L3MBTL4: variants seen among roughly 807,000 people sequenced by gnomAD.
L3MBTL4 encodes lethal(3)malignant brain tumor-like protein 4.
Under a neutral mutation model 84.5 loss-of-function variants are expected in L3MBTL4, and 70 were observed. The ratio of observed to expected loss-of-function variants is 0.83; its 90% confidence interval spans 0.68 to 1.01. L3MBTL4 has a LOEUF of 1.01. Ranked by LOEUF, L3MBTL4 falls within the 50% of genes least tolerant of loss-of-function variation. The pLI, the probability that L3MBTL4 is intolerant of heterozygous loss-of-function variation, is 0.00. For synonymous variants in L3MBTL4, 274 were observed against 259.8 expected, an observed-to-expected ratio of 1.05 and a Z score of -0.52; for missense variants, 715 against 754.8, an observed-to-expected ratio of 0.95 and a Z score of 0.62.
At chr18:5,969,018 C>A (rs551185518) in intron 17 of L3MBTL4, among the ~76,000 whole-genome samples, 1 of 152,228 alleles carries the variant, frequency 6.6e-6, no homozygotes, top group African/African-American at 2.4e-5. Flanking sequence ...CCAGAGCACA[C>A]GTGCCTAGGA....
intron 1 of L3MBTL4, among the ~76,000 whole-genome samples, chr18:6,389,688 C>T (rs776879288): frequency 3.9e-5 from 6 of 152,028 alleles, no homozygotes; most frequent in Non-Finnish European, 7.4e-5. Flanking sequence ...AAAGCAATAG[C>T]AGTTAAAAAA....
intron 4 of L3MBTL4, among the ~76,000 whole-genome samples, chr18:6,299,307 C>T (rs1262904494): frequency 2.6e-5 from 4 of 152,170 alleles, no homozygotes; most frequent in African/African-American, 4.8e-5. Flanking sequence ...ACCATTAATA[C>T]TTTAATTATT....
At chr18:5,977,436 C>T (rs1481206708) in intron 16 of L3MBTL4, among the ~76,000 whole-genome samples, 1 of 152,238 alleles carries the variant, frequency 6.6e-6, no homozygotes, top group Non-Finnish European at 1.5e-5. Flanking sequence ...GTCCTCTGCG[C>T]TTCTCCCACC....
chr18:6,179,529 T>C (rs191283979), intron 12 of L3MBTL4, among the ~76,000 whole-genome samples: 17 of 152,328 alleles, frequency 1.1e-4, no homozygotes, highest in Admixed American at 9.8e-4. Context: ...AGGCAAGACA[T>C]CTGCCCTGCT....
chr18:6,396,629 T>G (rs1449986968), intron 1 of L3MBTL4: 1 of 152,236 alleles, frequency 6.6e-6, no homozygotes, highest in East Asian at 1.9e-4. Flanking sequence ...GCATTGTTCT[T>G]CCTAAGAAAA....
intron 16 of L3MBTL4, among the ~76,000 whole-genome samples, chr18:6,076,460 A>C (rs1388870534): frequency 6.6e-6 from 1 of 152,216 alleles, no homozygotes; most frequent in East Asian, 1.9e-4. Flanking sequence ...GATAGGGGTC[A>C]GAAGCTTGAG....
At chr18:6,052,361 A>G (rs2056871080) in intron 16 of L3MBTL4, among the ~76,000 whole-genome samples, 1 of 152,260 alleles carries the variant, frequency 6.6e-6, no homozygotes. Flanking sequence ...CTGAATCACA[A>G]AGCAATACAA....
chr18:6,199,810 A>G (rs955246463), intron 12 of L3MBTL4, among the ~76,000 whole-genome samples: 5 of 152,234 alleles, frequency 3.3e-5, no homozygotes, highest in Non-Finnish European at 5.9e-5. Context: ...ACAAAGAAGT[A>G]ATGTTGTAGC....
In L3MBTL4 at chr18:6,337,275, C is replaced by G. The variant is rs1458667403; in HGVS notation, c.-90-25219G>C. Among the ~76,000 whole-genome samples the G allele has an allele frequency of 3.3e-5, 5 of 152,100 alleles. No homozygotes were observed. In the East Asian group the frequency reaches 9.6e-4, roughly 29 times the overall value. On this transcript the variant is annotated intron_variant, in intron 1 of 18. Coordinates refer to ENST00000317931, the MANE Select transcript of L3MBTL4 (RefSeq NM_001330559.2). ...ACTGAGAAAAACACCAAACAATAGA[C>G]TCTCACCAACATTCCTAGAACGGAA...
intron 16 of L3MBTL4, among the ~76,000 whole-genome samples, chr18:6,057,856 C>G (rs1308264132): frequency 1.3e-5 from 2 of 152,194 alleles, no homozygotes; most frequent in Non-Finnish European, 2.9e-5. Context: ...CAACCAAATA[C>G]TTAACATATA....
intron 1 of L3MBTL4, among the ~76,000 whole-genome samples, chr18:6,389,747 A>G (rs2054969830): frequency 6.6e-6 from 1 of 152,178 alleles, no homozygotes; most frequent in Admixed American, 6.5e-5. Flanking sequence ...CCAACAGGAA[A>G]CTATCACCCT....
intron 14 of L3MBTL4, among the ~76,000 whole-genome samples, chr18:6,128,542 T>G (rs1394765166): frequency 1.3e-5 from 2 of 151,984 alleles, no homozygotes; most frequent in African/African-American, 4.8e-5. Flanking sequence ...TGGATTTAAA[T>G]TTGAACGAAA....
rs924327906 is a variant in L3MBTL4 at position 5,997,268 on chromosome 18, A to G, written c.1445-27706T>C. ...TAAAGCTGGGAACACTCAAGCTGTG[A>G]ACTATGTCAGGCAAACTCGCCTCCC... On this transcript the variant is annotated intron_variant, in intron 16 of 18. Coordinates refer to ENST00000317931, the MANE Select transcript of L3MBTL4 (RefSeq NM_001330559.2). Among the ~76,000 whole-genome samples, 3 of 150,560 alleles carry G rather than the reference A, an allele frequency of 2.0e-5. No homozygotes were observed. In the East Asian group the frequency reaches 5.8e-4, roughly 29 times the overall value.
At chr18:6,028,141 G>C (rs1020490095) in intron 16 of L3MBTL4, among the ~76,000 whole-genome samples, 1 of 152,164 alleles carries the variant, frequency 6.6e-6, no homozygotes, top group Admixed American at 6.5e-5. Context: ...TATTGCCCAG[G>C]TTTTCTTCTA....
intron 12 of L3MBTL4, among the ~76,000 whole-genome samples, chr18:6,172,764 T>A (rs899004216): frequency 1.3e-5 from 2 of 152,142 alleles, no homozygotes; most frequent in African/African-American, 4.8e-5. Context: ...AAAATCTATA[T>A]CCTTTCTAAT....
chr18:6,325,081 A>T (rs1275946961), intron 1 of L3MBTL4, among the ~76,000 whole-genome samples: 4 of 152,146 alleles, frequency 2.6e-5, no homozygotes, highest in Admixed American at 2.0e-4. Flanking sequence ...TGCAACCCAT[A>T]AAAAAGCAAC....
At chr18:6,257,063 G>C (rs925079517) in intron 5 of L3MBTL4, among the ~76,000 whole-genome samples, 2 of 152,156 alleles carry the variant, frequency 1.3e-5, no homozygotes, top group Non-Finnish European at 2.9e-5. Flanking sequence ...TATATGCCAG[G>C]CACTGTAGTA....
chr18:6,240,486 T>C (rs924872507), intron 8 of L3MBTL4, among the ~76,000 whole-genome samples: 9 of 151,824 alleles, frequency 5.9e-5, no homozygotes, highest in Non-Finnish European at 1.0e-4. Context: ...CTTTTCTTAG[T>C]ATAAAAATAC....
intron 12 of L3MBTL4, among the ~76,000 whole-genome samples, chr18:6,201,003 T>C (rs1183824108): frequency 6.6e-6 from 1 of 152,214 alleles, no homozygotes; most frequent in African/African-American, 2.4e-5. Context: ...TCTCCATTCA[T>C]TTGGCAAATA....
Sources: allele counts gnomAD v4.1 joint callset (sites outside exome capture counted in the v4.1 genomes callset), GRCh38; gene constraint gnomAD v4.1.1; transcripts MANE v1.5; gene names NCBI Gene and HGNC (gene_info 2026-07-23, HGNC 2026-07-21).